Variants in NELL2 observed in about 807,000 individuals in gnomAD.
NELL2 encodes protein kinase C-binding protein NELL2.
Under a neutral mutation model 109.6 loss-of-function variants are expected in NELL2, and 41 were observed. The observed-to-expected ratio is 0.37, with a 90% CI of 0.29 to 0.49. NELL2 has a LOEUF of 0.49. Among genes scored for constraint, NELL2 ranks in the 20% least tolerant of loss-of-function variants. The pLI, the probability that NELL2 is intolerant of heterozygous loss-of-function variation, is 0.98. For missense variants in NELL2, 900 were observed against 1,008.3 expected, an observed-to-expected ratio of 0.89 and a Z score of 1.45; for synonymous variants, 355 against 344.7, an observed-to-expected ratio of 1.03 and a Z score of -0.33.
In NELL2 at chr12:44,544,977, A is replaced by G. The variant is rs1009681664; in HGVS notation, c.1664-12256T>C. Among the ~76,000 whole-genome samples the G allele has an allele frequency of 2.0e-5, 3 of 152,180 alleles. No homozygotes were observed. In the South Asian group the frequency reaches 6.2e-4, roughly 32 times the overall value. On this transcript the variant is annotated intron_variant, in intron 15 of 19. Coordinates refer to ENST00000429094, the MANE Select transcript of NELL2 (RefSeq NM_001145108.2). Reference sequence around the variant, plus strand: ...AGGGGACTGGAAAGGGAACTATAGGAGGGATTGTGAGTAGGGAGGTAGGAA... The same window carrying G: ...AGGGGACTGGAAAGGGAACTATAGGGGGGATTGTGAGTAGGGAGGTAGGAA...
chr12:44,758,109 ACTGTTTT>A, intron 9 of NELL2, among the ~76,000 whole-genome samples: 4 of 152,014 alleles, frequency 2.6e-5, no homozygotes, highest in African/African-American at 9.7e-5. Flanking sequence ...AAAACTCATC[ACTGTTTT>A]CAGCGTAATC....
intron 15 of NELL2, among the ~76,000 whole-genome samples, chr12:44,547,957 G>A (rs962323163): frequency 2.0e-5 from 3 of 152,130 alleles, no homozygotes; most frequent in African/African-American, 4.8e-5. Context: ...CTTGCTGAAC[G>A]TATAATTGAA....
chr12:44,526,297 A>G (rs535359299), intron 16 of NELL2, among the ~76,000 whole-genome samples: 1 of 152,356 alleles, frequency 6.6e-6, no homozygotes, highest in South Asian at 2.1e-4. Flanking sequence ...CAATAAAAGC[A>G]GAGTCTCATA....
chr12:44,852,293 ACTT>A (rs1944557152), intron 2 of NELL2, among the ~76,000 whole-genome samples: 3 of 152,286 alleles, frequency 2.0e-5, no homozygotes, highest in African/African-American at 4.8e-5. Context: ...TTCCTTACCT[ACTT>A]CTTCTATCAA....
At chr12:44,680,270 A>G (rs188455376) in intron 12 of NELL2, among the ~76,000 whole-genome samples, 2 of 152,104 alleles carry the variant, frequency 1.3e-5, no homozygotes, top group African/African-American at 4.8e-5. Flanking sequence ...ACTGGATTGC[A>G]TTGTTAGTTT....
intron 9 of NELL2, among the ~76,000 whole-genome samples, chr12:44,719,943 T>C (rs1799551454): frequency 1.3e-5 from 2 of 152,154 alleles, no homozygotes; most frequent in Non-Finnish European, 2.9e-5. Context: ...CAGGCTAAGA[T>C]TCTGCAAAGT....
At chr12:44,586,995 G>A (rs913541239) in intron 15 of NELL2, among the ~76,000 whole-genome samples, 10 of 152,046 alleles carry the variant, frequency 6.6e-5, no homozygotes, top group East Asian at 1.9e-4. Context: ...AGTATGGGCC[G>A]GGAGCAGTGG....
intron 15 of NELL2, among the ~76,000 whole-genome samples, chr12:44,583,016 T>A (rs1944375767): frequency 6.6e-6 from 1 of 152,164 alleles, no homozygotes; most frequent in Non-Finnish European, 1.5e-5. Flanking sequence ...CCTTACCACA[T>A]GTGGACCCCT....
intron 15 of NELL2, among the ~76,000 whole-genome samples, chr12:44,570,334 C>T (rs997374116): frequency 2.6e-5 from 4 of 152,138 alleles, no homozygotes; most frequent in African/African-American, 7.2e-5. Context: ...TTTCCAGTGA[C>T]TGCTCCACCA....
chr12:44,770,788 A>C (rs1376549650), intron 9 of NELL2, among the ~76,000 whole-genome samples: 3 of 152,224 alleles, frequency 2.0e-5, no homozygotes, highest in African/African-American at 4.8e-5. Flanking sequence ...AAGACATTAC[A>C]GCATCAGTTC....
intron 15 of NELL2, among the ~76,000 whole-genome samples, chr12:44,593,795 C>T (rs889115436): frequency 6.6e-6 from 1 of 152,136 alleles, no homozygotes; most frequent in African/African-American, 2.4e-5. Flanking sequence ...AGTTTGAAGT[C>T]AGGTAGCATG....
chr12:44,685,118 T>C (rs1197827275), intron 12 of NELL2, among the ~76,000 whole-genome samples: 3 of 152,234 alleles, frequency 2.0e-5, no homozygotes, highest in Admixed American at 6.5e-5. Context: ...TGGATGCATA[T>C]ATATTTAGGA....
At chr12:44,534,948 T>C (rs565526784) in intron 15 of NELL2, among the ~76,000 whole-genome samples, 2 of 152,210 alleles carry the variant, frequency 1.3e-5, no homozygotes, top group South Asian at 4.1e-4. Context: ...TTTCAATTGT[T>C]ACTTCTCACT....
At position 44,547,011 on chromosome 12, in the gene NELL2, C is replaced by A. The variant is rs533077599; in HGVS notation, c.1664-14290G>T. Among the ~76,000 whole-genome samples the A allele has an allele frequency of 1.0e-3, 159 of 152,040 alleles. 1 individual carries two copies. Among genetic ancestry groups the A allele is most frequent in the African/African-American group, 3.6e-3 (147 of 41,354 alleles). On this transcript the variant is annotated intron_variant, in intron 15 of 19. Coordinates refer to ENST00000429094, the MANE Select transcript of NELL2 (RefSeq NM_001145108.2). ...TTGTTTCTACACATTCACACACAAA[C>A]CTTTTTTTTAAAAGATTTATATGGT...
intron 2 of NELL2, among the ~76,000 whole-genome samples, chr12:44,835,251 C>T (rs1239851593): frequency 2.0e-5 from 3 of 152,176 alleles, no homozygotes; most frequent in East Asian, 1.9e-4. Context: ...ACTCGCCCGA[C>T]GTGCTCCAAG....
intron 9 of NELL2, among the ~76,000 whole-genome samples, chr12:44,752,848 G>C (rs1940712396): frequency 6.6e-6 from 1 of 151,996 alleles, no homozygotes; most frequent in South Asian, 2.1e-4. Flanking sequence ...GTACTGCCAC[G>C]GTGATGCCCC....
chr12:44,720,470 T>C (rs889789039), intron 9 of NELL2, among the ~76,000 whole-genome samples: 4 of 152,168 alleles, frequency 2.6e-5, no homozygotes, highest in Non-Finnish European at 5.9e-5. Flanking sequence ...TTCTGTAAAA[T>C]GACAGCTTAC....
intron 15 of NELL2, among the ~76,000 whole-genome samples, chr12:44,562,148 C>G (rs1376355097): frequency 2.0e-5 from 3 of 152,254 alleles, no homozygotes; most frequent in Admixed American, 2.0e-4. Flanking sequence ...TTCCTTACAC[C>G]TTATACAAAA....
chr12:44,862,549 T>C (rs903637724), intron 2 of NELL2, among the ~76,000 whole-genome samples: 2 of 152,212 alleles, frequency 1.3e-5, no homozygotes, highest in South Asian at 4.1e-4. Flanking sequence ...CTAAAAACAG[T>C]TTTTATATTT....
Sources: gnomAD v4.1 joint callset for allele counts (sites outside exome capture counted in the v4.1 genomes callset) on GRCh38, gnomAD v4.1.1 for gene constraint, MANE v1.5 for transcripts, NCBI Gene and HGNC (gene_info 2026-07-23, HGNC 2026-07-21) for gene names.